The following TTC39C variants were observed in gnomAD, a reference collection of about 807,000 sequenced individuals.
TTC39C encodes the protein tetratricopeptide repeat domain 39C, also known as tetratricopeptide repeat protein 39C.
In TTC39C, 33 loss-of-function variants were observed where a neutral mutation model predicts 76.3. The ratio of observed to expected loss-of-function variants is 0.43; its 90% confidence interval spans 0.33 to 0.58. The LOEUF is 0.58. TTC39C is among the 20% of genes least tolerant of loss of function. The pLI, the probability that TTC39C is intolerant of heterozygous loss-of-function variation, is 0.04. For missense variants in TTC39C, 595 were observed against 701.4 expected, an observed-to-expected ratio of 0.85 and a Z score of 1.71; for synonymous variants, 254 against 260.6, an observed-to-expected ratio of 0.97 and a Z score of 0.24.
intron 1 of TTC39C, among the ~76,000 whole-genome samples, chr18:24,032,400 C>A (rs2083681797): frequency 6.6e-6 from 1 of 152,228 alleles, no homozygotes; most frequent in East Asian, 1.9e-4. Flanking sequence ...TCATTTTTTT[C>A]ATATGAAGAT....
chr18:24,070,668 A>G (rs1599295769), intron 4 of TTC39C, among the ~76,000 whole-genome samples: 1 of 151,822 alleles, frequency 6.6e-6, no homozygotes, highest in Non-Finnish European at 1.5e-5. Context: ...ACATGGTGAA[A>G]CCCCGTCTCT....
chr18:24,020,908 A>G (rs532485733), intron 1 of TTC39C, among the ~76,000 whole-genome samples: 62 of 152,060 alleles, frequency 4.1e-4, no homozygotes, highest in African/African-American at 1.4e-3. Flanking sequence ...TTTTTTTTTA[A>G]AGGGAGAGAG....
intron 11 of TTC39C, among the ~76,000 whole-genome samples, 187 bp downstream of exon 11, chr18:24,129,170 A>G (rs1195894328): frequency 6.6e-6 from 1 of 152,202 alleles, no homozygotes; most frequent in Non-Finnish European, 1.5e-5. Flanking sequence ...CTAGTTTTTA[A>G]TTAACTTCAT....
At chr18:24,045,408 G>A (rs2083855600) in intron 1 of TTC39C, among the ~76,000 whole-genome samples, 1 of 152,062 alleles carries the variant, frequency 6.6e-6, no homozygotes, top group South Asian at 2.1e-4. Context: ...CCTTCCTATG[G>A]CTTAAAAATA....
intron 6 of TTC39C, among the ~76,000 whole-genome samples, chr18:24,100,982 A>G (rs1224556831): frequency 2.6e-5 from 4 of 152,128 alleles, no homozygotes; most frequent in Non-Finnish European, 4.4e-5. Flanking sequence ...TGATTCTCCA[A>G]GGGGAAGATA....
In TTC39C at chr18:24,110,233, A is replaced by G. The variant is rs367797006; in HGVS notation, c.985-4321A>G. Among the ~76,000 whole-genome samples the G allele has an allele frequency of 1.1e-4, 16 of 152,320 alleles. No individual in the cohort carries two copies. In the South Asian group the frequency reaches 3.1e-3, roughly 30 times the overall value. ...AAATGTACTACTCAATCCAGATTAA[A>G]AAGAAAACTGTTAGTAAGCTATACA... is the stretch of plus-strand genomic sequence containing the variant. On this transcript the variant is annotated intron_variant, in intron 6 of 13. Coordinates refer to ENST00000317571, the MANE Select transcript of TTC39C (RefSeq NM_001135993.2).
chr18:23,997,483 C>T (rs1226776402), intron 1 of TTC39C, among the ~76,000 whole-genome samples: 1 of 126,838 alleles, frequency 7.9e-6, no homozygotes, highest in Non-Finnish European at 1.6e-5. Flanking sequence ...AGCCAGGAGG[C>T]GGAGATTGCA....
chr18:24,037,532 G>T (rs2083746351), intron 1 of TTC39C, among the ~76,000 whole-genome samples: 1 of 152,188 alleles, frequency 6.6e-6, no homozygotes, highest in South Asian at 2.1e-4. Flanking sequence ...TAGGACATTT[G>T]TCTGGCGTAT....
intron 1 of TTC39C, among the ~76,000 whole-genome samples, chr18:24,062,884 A>G (rs1376768187): frequency 6.6e-6 from 1 of 152,206 alleles, no homozygotes; most frequent in Non-Finnish European, 1.5e-5. Context: ...GCCTGCAAAA[A>G]CATATGTACA....
intron 4 of TTC39C, among the ~76,000 whole-genome samples, chr18:24,076,144 T>A (rs2084304863): frequency 6.6e-6 from 1 of 152,048 alleles, no homozygotes; most frequent in Non-Finnish European, 1.5e-5. Context: ...GCCCGGCTAA[T>A]TTTTTTGTAT....
chr18:24,043,664 G>C (rs2083825479), intron 1 of TTC39C, among the ~76,000 whole-genome samples: 1 of 152,124 alleles, frequency 6.6e-6, no homozygotes, highest in African/African-American at 2.4e-5. Flanking sequence ...CCCACATTCA[G>C]AGCTTTCACA....
rs764244948 is a variant in TTC39C at position 24,080,691 on chromosome 18, A to G, written c.567A>G (p.Glu189=). 5 of 1,614,042 alleles carry G rather than the reference A, an allele frequency of 3.1e-6. No individual in the cohort carries two copies. The highest frequency in any genetic ancestry group is 1.3e-5 in the African/African-American group (1 of 74,936). The change falls in exon 5 of 14, where the codon GAA becomes GAG. Residue 189 remains glutamate, a synonymous_variant. Transcript: ENST00000317571. ...LQELYQKKLT[E]ESLTSDAAND... ...AGCTGTATCAGAAGAAGCTAACTGA[A>G]GAGTCCTTGACTTCTGATGCTGCAA...
At chr18:24,124,369 A>G (rs1053713875) in intron 9 of TTC39C, 9 of 152,750 alleles carry the variant, frequency 5.9e-5, no homozygotes, top group African/African-American at 2.2e-4. Context: ...GGATCTGTCT[A>G]AAGAATTGGG....
chr18:24,069,753 A>T (rs1412499824), intron 4 of TTC39C, among the ~76,000 whole-genome samples: 1 of 152,196 alleles, frequency 6.6e-6, no homozygotes, highest in East Asian at 1.9e-4. Context: ...TTAGTGAGGG[A>T]TATAAACTAA....
intron 4 of TTC39C, among the ~76,000 whole-genome samples, chr18:24,079,124 GT>G (rs1458805097): frequency 6.6e-6 from 1 of 152,118 alleles, no homozygotes; most frequent in Non-Finnish European, 1.5e-5. Context: ...TTGTCCATTT[GT>G]ACATGAGGGT....
At chr18:23,993,319 C>A (rs922975274) in intron 1 of TTC39C, among the ~76,000 whole-genome samples, 2 of 152,212 alleles carry the variant, frequency 1.3e-5, no homozygotes, top group African/African-American at 4.8e-5. Context: ...GATGTTAAAG[C>A]ATTTGCATAG....
chr18:24,130,867 T>C (rs548250999), intron 12 of TTC39C, among the ~76,000 whole-genome samples: 1 of 151,316 alleles, frequency 6.6e-6, no homozygotes, highest in African/African-American at 2.4e-5. Context: ...ATAGAAAAAG[T>C]ATAGTAAAAA....
At chr18:24,119,964 C>G (rs1325986845) in intron 8 of TTC39C, among the ~76,000 whole-genome samples, 1 of 41,802 alleles carries the variant, frequency 2.4e-5, no homozygotes, top group Non-Finnish European at 3.6e-5. Context: ...AACATTAATT[C>G]CCCCCCCCCA....
intron 10 of TTC39C, 76 bp from the exon 11 acceptor site, chr18:24,128,810 C>T (rs1027403346): frequency 2.1e-5 from 25 of 1,170,490 alleles, no homozygotes; most frequent in South Asian, 2.9e-5. Context: ...GAAACATTTA[C>T]CTCACTCTTC....
Sources: gnomAD v4.1 joint callset for allele counts (sites outside exome capture counted in the v4.1 genomes callset) on GRCh38, gnomAD v4.1.1 for gene constraint, MANE v1.5 for transcripts, NCBI Gene and HGNC (gene_info 2026-07-23, HGNC 2026-07-21) for gene names.